The following NREP variants were observed in gnomAD, a reference collection of about 807,000 sequenced individuals.
NREP encodes neuronal regeneration related protein.
NREP carries 5 observed loss-of-function variants against 8.6 expected under a neutral mutation model. That is an observed-to-expected ratio of 0.58 (90% confidence interval 0.30 to 1.22). NREP has a LOEUF of 1.22. Ranked by LOEUF, NREP falls within the 50% of genes most tolerant of loss-of-function variation. The probability of loss-of-function intolerance (pLI) is 0.07; values close to 1 mark genes in which losing one functional copy is unlikely to be tolerated. For missense variants in NREP, 86 were observed against 82.5 expected, an observed-to-expected ratio of 1.04 and a Z score of -0.17; for synonymous variants, 27 against 28.0, an observed-to-expected ratio of 0.96 and a Z score of 0.11.
intron 2 of NREP, among the ~76,000 whole-genome samples, chr5:111,885,607 C>G (rs1216741041): frequency 6.6e-6 from 1 of 151,864 alleles, no homozygotes; most frequent in Non-Finnish European, 1.5e-5. Context: ...CAGCATGGTA[C>G]TGGTACCAAA....
chr5:111,869,060 TAAG>T (rs1479005296), intron 2 of NREP, among the ~76,000 whole-genome samples: 1 of 152,186 alleles, frequency 6.6e-6, no homozygotes, highest in Admixed American at 6.5e-5. Flanking sequence ...TAGAACCTAG[TAAG>T]AAATACGTGG....
At chr5:111,926,332 C>T (rs148974398) in intron 2 of NREP, among the ~76,000 whole-genome samples, 1 of 151,996 alleles carries the variant, frequency 6.6e-6, no homozygotes, top group Non-Finnish European at 1.5e-5. Context: ...TCAGGATTCC[C>T]CAGAAATTTG....
At chr5:111,935,546 C>T (rs904019483) in intron 2 of NREP, among the ~76,000 whole-genome samples, 2 of 152,056 alleles carry the variant, frequency 1.3e-5, no homozygotes, top group Non-Finnish European at 1.5e-5. Context: ...GCTATAACTC[C>T]AGGGAGAAGG....
intron 2 of NREP, among the ~76,000 whole-genome samples, chr5:111,957,386 T>C (rs1756354484): frequency 6.6e-6 from 1 of 151,870 alleles, no homozygotes. Context: ...CAATAAATAT[T>C]AAACAAATTG....
chr5:111,797,264 T>G (rs184056247), intron 2 of NREP, among the ~76,000 whole-genome samples: 63 of 152,324 alleles, frequency 4.1e-4, no homozygotes, highest in African/African-American at 1.4e-3. Flanking sequence ...AGAAAAAAAT[T>G]TAAAAGCTTA....
chr5:111,729,479 C>CTATT lies in NREP; in HGVS notation c.*1438_*1441dup, dbSNP rs776766720. 6.6e-6 allele frequency: 1 copy of CTATT among 152,640 alleles called. No individual in the cohort carries two copies. Among genetic ancestry groups the CTATT allele is most frequent in the African/African-American group, 2.4e-5 (1 of 41,454 alleles). The allele number at this position is 152,640 out of a possible 1,614,324, so 9.5% of individuals were successfully genotyped here. A position where few individuals can be genotyped will look rare whatever the true frequency, so the allele number is the denominator to read the frequency against. ...AGATGCAGAATACTGTTTTCTTGCT[C>CTATT]TATTTACACAGCTGATATACCTATT... On this transcript the variant is annotated 3_prime_UTR_variant, in exon 4 of 4. Transcript: ENST00000257435.
intron 2 of NREP, among the ~76,000 whole-genome samples, chr5:111,750,017 G>A (rs1251574808): frequency 1.3e-5 from 2 of 152,108 alleles, no homozygotes; most frequent in African/African-American, 2.4e-5. Context: ...GAGACAGGTT[G>A]GTAACCTGAG....
At chr5:111,940,704 C>A (rs918324330) in intron 2 of NREP, among the ~76,000 whole-genome samples, 1 of 151,938 alleles carries the variant, frequency 6.6e-6, no homozygotes, top group African/African-American at 2.4e-5. Flanking sequence ...CCAGGTCCAC[C>A]CTCACTTCTG....
At chr5:111,774,700 C>G (rs867051852) in intron 2 of NREP, among the ~76,000 whole-genome samples, 2 of 152,112 alleles carry the variant, frequency 1.3e-5, no homozygotes, top group East Asian at 1.9e-4. Flanking sequence ...GCCTTGTGAC[C>G]GCAAGGAACT....
chr5:111,890,272 T>C (rs916708253), intron 2 of NREP, among the ~76,000 whole-genome samples: 3 of 151,940 alleles, frequency 2.0e-5, no homozygotes, highest in African/African-American at 7.2e-5. Context: ...CACACTGTTG[T>C]AAGGGGTGAA....
Position 111,757,162 on chromosome 5 carries a change from T to A in NREP, c.-85A>T. 1 of 976,420 alleles carries A rather than the reference T, an allele frequency of 1.0e-6. No individual in the cohort carries two copies. The highest frequency in any genetic ancestry group is 1.2e-6 in the Non-Finnish European group (1 of 826,722). The allele number at this position is 976,420 out of a possible 1,614,324, so 60.5% of individuals were successfully genotyped here. A position where few individuals can be genotyped will look rare whatever the true frequency, so the allele number is the denominator to read the frequency against. On this transcript the variant is annotated 5_prime_UTR_variant, in exon 1 of 4. Transcript: ENST00000257435. ...GACAAAAGCCCCGCTCCCTGTTCACTCTCTCTCCTCTCTACACCTGAAACA... is the reference window on the plus strand; with the variant it reads ...GACAAAAGCCCCGCTCCCTGTTCACACTCTCTCCTCTCTACACCTGAAACA...
intron 2 of NREP, among the ~76,000 whole-genome samples, chr5:111,818,724 A>C (rs1045792196): frequency 2.0e-5 from 3 of 152,254 alleles, no homozygotes; most frequent in African/African-American, 7.2e-5. Context: ...TGCATGTGTA[A>C]AGTAATGTAG....
At chr5:111,913,588 C>A (rs1754973047) in intron 2 of NREP, among the ~76,000 whole-genome samples, 2 of 151,894 alleles carry the variant, frequency 1.3e-5, no homozygotes, top group Admixed American at 6.6e-5. Context: ...AGGCTAAATG[C>A]CCAGATGAGA....
At chr5:111,911,986 G>T (rs1280212842) in intron 2 of NREP, among the ~76,000 whole-genome samples, 1 of 151,962 alleles carries the variant, frequency 6.6e-6, no homozygotes, top group Non-Finnish European at 1.5e-5. Context: ...TTTGTCTAAT[G>T]GTACACGATT....
At chr5:111,804,286 G>A (rs1752085565) in intron 2 of NREP, among the ~76,000 whole-genome samples, 1 of 152,290 alleles carries the variant, frequency 6.6e-6, no homozygotes, top group East Asian at 1.9e-4. Context: ...GGAATAGATA[G>A]ACTTTTAAAT....
chr5:111,911,835 C>G (rs188656231), intron 2 of NREP, among the ~76,000 whole-genome samples: 18 of 152,138 alleles, frequency 1.2e-4, no homozygotes, highest in African/African-American at 3.1e-4. Flanking sequence ...ATACTCATTG[C>G]CTACCTACTA....
chr5:111,830,583 A>T (rs1170680449), intron 2 of NREP, among the ~76,000 whole-genome samples: 1 of 152,232 alleles, frequency 6.6e-6, no homozygotes, highest in East Asian at 1.9e-4. Context: ...GAATGCAAAG[A>T]CATATTTATT....
At chr5:111,781,677 C>G (rs1190899747) in intron 2 of NREP, among the ~76,000 whole-genome samples, 1 of 152,148 alleles carries the variant, frequency 6.6e-6, no homozygotes, top group Non-Finnish European at 1.5e-5. Context: ...GAAAAAATAA[C>G]AACTTTGTGA....
chr5:111,972,608 G>A (rs1339781801), intron 2 of NREP, among the ~76,000 whole-genome samples: 1 of 152,146 alleles, frequency 6.6e-6, no homozygotes, highest in Non-Finnish European at 1.5e-5. Flanking sequence ...AAAGGGATGG[G>A]CTCCCAAGAT....
Sources: allele counts gnomAD v4.1 joint callset (sites outside exome capture counted in the v4.1 genomes callset), GRCh38; gene constraint gnomAD v4.1.1; transcripts MANE v1.5; gene names NCBI Gene and HGNC (gene_info 2026-07-23, HGNC 2026-07-21).